The following SULT1C2 variants were observed in gnomAD, a reference collection of about 807,000 sequenced individuals.
SULT1C2 encodes sulfotransferase 1C2.
In SULT1C2, 27 loss-of-function variants were observed where a neutral mutation model predicts 36.0. The ratio of observed to expected loss-of-function variants is 0.75; its 90% CI spans 0.55 to 1.03. SULT1C2 has a LOEUF of 1.03. Among genes scored for constraint, SULT1C2 ranks in the 50% least tolerant of loss-of-function variants. The pLI, the probability that SULT1C2 is intolerant of heterozygous loss-of-function variation, is 0.00. For missense variants in SULT1C2, 395 were observed against 359.2 expected (o/e 1.10, Z -0.80); for synonymous variants, 121 against 116.0 (o/e 1.04, Z -0.27).
intron 3 of SULT1C2, among the ~76,000 whole-genome samples, chr2:108,296,485 T>C (rs538962308): frequency 6.6e-6 from 1 of 151,438 alleles, no homozygotes; most frequent in African/African-American, 2.4e-5. Flanking sequence ...AAAGTCTGGC[T>C]CTGTTGCCCA....
Position 108,304,657 on chromosome 2 carries a change from T to C in SULT1C2, c.459T>C (p.Pro153=), listed in dbSNP as rs1676976909. 6.2e-7 allele frequency: 1 copy of C among 1,613,932 alleles called. No individual in the cohort carries two copies. The highest frequency in any genetic ancestry group is 8.5e-7 in the Non-Finnish European group (1 of 1,179,926). ...FQRMNHMLPD[P]GTWEEYFETF... ...GGATGAACCACATGCTTCCTGACCC[T>C]GGTACCTGGGAAGAGTATTTTGAAA... The change falls in exon 5 of 8, where the codon CCT becomes CCC. Residue 153 remains proline (P), a synonymous_variant. Coordinates refer to ENST00000251481, the MANE Select transcript of SULT1C2 (RefSeq NM_001056.4).
chr2:108,296,519 T>C (rs1676734080), intron 3 of SULT1C2, among the ~76,000 whole-genome samples: 1 of 151,952 alleles, frequency 6.6e-6, no homozygotes, highest in Non-Finnish European at 1.5e-5. Context: ...TGGCATGGTC[T>C]TGGCTCACTG....
At chr2:108,299,032 C>A (rs1205970726) in intron 3 of SULT1C2, 2 of 152,870 alleles carry the variant, frequency 1.3e-5, no homozygotes, top group East Asian at 3.8e-4. Context: ...CCTTACCTCT[C>A]TTTGGCAGTA....
intron 4 of SULT1C2, 158 bp from the exon 5 acceptor site, chr2:108,304,416 C>A: frequency 1.5e-6 from 1 of 665,970 alleles, no homozygotes; most frequent in Non-Finnish European, 2.4e-6. Context: ...AAAGCAGAGA[C>A]AGAAAGAAGA....
chr2:108,291,590 A>G (rs1676592184), intron 1 of SULT1C2, among the ~76,000 whole-genome samples: 1 of 152,122 alleles, frequency 6.6e-6, no homozygotes, highest in Non-Finnish European at 1.5e-5. Flanking sequence ...TCTGCAATGT[A>G]TAACTTTAAA....
chr2:108,293,843 C>T, intron 2 of SULT1C2, 25 bp downstream of exon 2: 1 of 1,608,204 alleles, frequency 6.2e-7, no homozygotes, highest in Non-Finnish European at 8.5e-7. Context: ...GGAGGGACAG[C>T]AAAGACCTGC....
At chr2:108,291,328 T>C (rs1460116977) in intron 1 of SULT1C2, among the ~76,000 whole-genome samples, 2 of 152,198 alleles carry the variant, frequency 1.3e-5, no homozygotes, top group Non-Finnish European at 2.9e-5. Flanking sequence ...TAAGTGCCCT[T>C]GTGGTCACAT....
chr2:108,305,633 C>G lies in SULT1C2; in HGVS notation c.778+38C>G, dbSNP rs184541432. ...TCTTTATCATACATTCAGATTGTCT[C>G]GTAACATCCTGTCTGCCTCTTAGCA... is the stretch of plus-strand genomic sequence containing the variant. On this transcript the variant is annotated intron_variant, in intron 7 of 7. Coordinates refer to ENST00000251481, the MANE Select transcript of SULT1C2 (RefSeq NM_001056.4). 4.3e-6 allele frequency: 7 copies of G among 1,610,366 alleles called. No homozygotes were observed. In the African/African-American group the frequency reaches 5.3e-5, roughly 12 times the overall value.
intron 3 of SULT1C2, among the ~76,000 whole-genome samples, chr2:108,297,686 TGAGA>T (rs767276610): frequency 6.6e-6 from 1 of 152,088 alleles, no homozygotes; most frequent in African/African-American, 2.4e-5. Context: ...GAATCATTGA[TGAGA>T]GAGAGGTGGG....
intron 4 of SULT1C2, chr2:108,301,590 G>GTTC (rs988923829): frequency 6.6e-6 from 1 of 150,408 alleles, no homozygotes; most frequent in Non-Finnish European, 1.5e-5. Flanking sequence ...CAAAAAAAAA[G>GTTC]TTCTCCCCAA....
At chr2:108,307,807 C>T (rs1241610691) in intron 7 of SULT1C2, among the ~76,000 whole-genome samples, 1 of 152,182 alleles carries the variant, frequency 6.6e-6, no homozygotes, top group African/African-American at 2.4e-5. Flanking sequence ...ACCACCCGCA[C>T]CCCAATCAAG....
chr2:108,304,704 C>T lies in SULT1C2; in HGVS notation c.502+4C>T, dbSNP rs368960881. 56 of 1,608,600 alleles carry T rather than the reference C, an allele frequency of 3.5e-5. No homozygotes were observed. Among genetic ancestry groups the T allele is most frequent in the African/African-American group, 1.2e-4 (9 of 74,734 alleles). On this transcript the variant is annotated splice_donor_region_variant and intron_variant, in intron 5 of 7. Coordinates refer to ENST00000251481, the MANE Select transcript of SULT1C2 (RefSeq NM_001056.4). ...GAAACCTTCATCAATGGAAAAGGTA[C>T]GGGAACATCCTTCACACCCTTGCAT...
intron 4 of SULT1C2, chr2:108,301,506 G>C (rs1362677020): frequency 6.6e-6 from 1 of 152,428 alleles, no homozygotes; most frequent in East Asian, 1.9e-4. Context: ...GCGTGAACCC[G>C]GGAGGCGGAG....
intron 7 of SULT1C2, among the ~76,000 whole-genome samples, chr2:108,307,562 G>A (rs971658274): frequency 6.6e-6 from 1 of 152,134 alleles, no homozygotes; most frequent in Non-Finnish European, 1.5e-5. Flanking sequence ...ATATCTTTGT[G>A]CATAAATTAT....
intron 3 of SULT1C2, among the ~76,000 whole-genome samples, chr2:108,297,079 G>A (rs1676749906): frequency 6.6e-6 from 1 of 152,230 alleles, no homozygotes; most frequent in African/African-American, 2.4e-5. Context: ...ATGCATGTGT[G>A]TGTGTGAACT....
In SULT1C2 at chr2:108,293,810, C is replaced by G. The variant is rs1357575066; in HGVS notation, c.143C>G (p.Pro48Arg). ...KPDDLLICTY[P>R]KAGTTWIQEI... ...GATGATCTCCTCATCTGCACCTACC[C>G]TAAAGCAGGTGATTGCAGGGTAGGA... Residue 48 changes from proline to arginine, a missense_variant, in exon 2 of 8, where the codon CCT (proline) becomes CGT (arginine). By Grantham distance (103) the Pro-to-Arg change is moderately radical (BLOSUM62 -2). Transcript: ENST00000251481. 1 of 1,613,882 alleles carries G rather than the reference C, an allele frequency of 6.2e-7. No homozygotes were observed. The highest frequency in any genetic ancestry group is 8.5e-7 in the Non-Finnish European group (1 of 1,179,926).
In SULT1C2 at chr2:108,294,368, CCT is replaced by C. The variant is rs1676671310; in HGVS notation, c.277+17_277+18del. 6.3e-7 allele frequency: 1 copy of C among 1,592,236 alleles called. No individual in the cohort carries two copies. ...CCCAACCTTCTGGTGAGAGCACCTC[CCT>C]CTTTCTCTCTTCCTGCTTTCTTTCC... On this transcript the variant is annotated intron_variant, in intron 3 of 7. Transcript: ENST00000251481.
intron 4 of SULT1C2, chr2:108,301,191 C>A: frequency 2.3e-6 from 1 of 434,264 alleles, no homozygotes; most frequent in Non-Finnish European, 4.1e-6. Flanking sequence ...GTGCAGTAAG[C>A]GTAGCTGTGA....
intron 4 of SULT1C2, 147 bp from the exon 5 acceptor site, chr2:108,304,427 G>C: frequency 1.4e-6 from 1 of 733,636 alleles, no homozygotes; most frequent in Non-Finnish European, 2.1e-6. Context: ...AGAAAGAAGA[G>C]GGAGGTCACA....
Sources: allele counts gnomAD v4.1 joint callset (sites outside exome capture counted in the v4.1 genomes callset), GRCh38; gene constraint gnomAD v4.1.1; transcripts MANE v1.5; gene names NCBI Gene and HGNC (gene_info 2026-07-23, HGNC 2026-07-21).